The following BCAR3 variants were observed in gnomAD, a reference collection of about 807,000 sequenced individuals.
The protein encoded by BCAR3 is BCAR3 adaptor protein, NSP family member, also known as breast cancer anti-estrogen resistance protein 3.
BCAR3 carries 37 observed loss-of-function variants against 80.1 expected under a neutral mutation model. The ratio of observed to expected loss-of-function variants is 0.46; its 90% confidence interval spans 0.36 to 0.61. The LOEUF is 0.61. Among genes scored for constraint, BCAR3 ranks in the 20% least tolerant of loss-of-function variants. The probability of loss-of-function intolerance (pLI) is 0.00; values close to 1 mark genes in which losing one functional copy is unlikely to be tolerated. For missense variants in BCAR3, 978 were observed against 1,068.2 expected, an observed-to-expected ratio of 0.92 and a Z score of 1.18; for synonymous variants, 389 against 418.9, an observed-to-expected ratio of 0.93 and a Z score of 0.87.
At chr1:93,719,854 G>T (rs942428438) in intron 2 of BCAR3, among the ~76,000 whole-genome samples, 2 of 152,154 alleles carry the variant, frequency 1.3e-5, no homozygotes, top group Admixed American at 1.3e-4. Context: ...CTTGATGCAT[G>T]AAGATTTGAA....
intron 2 of BCAR3, chr1:93,845,475 T>TC (rs539926065): frequency 0.072 from 167 of 2,308 alleles, 11 homozygotes; most frequent in African/African-American, 0.22. Context: ...TATATATATA[T>TC]ATATATATAT....
chr1:93,704,691 C>T (rs1649774621), intron 3 of BCAR3, among the ~76,000 whole-genome samples: 1 of 152,188 alleles, frequency 6.6e-6, no homozygotes, highest in Admixed American at 6.5e-5. Flanking sequence ...ATCTATTGTA[C>T]TTTTAAGTGA....
intron 7 of BCAR3, among the ~76,000 whole-genome samples, chr1:93,579,650 C>A (rs976253580): frequency 6.6e-6 from 1 of 152,070 alleles, no homozygotes; most frequent in African/African-American, 2.4e-5. Flanking sequence ...CAAGGGCGGG[C>A]AGGCAGGCAT....
intron 3 of BCAR3, among the ~76,000 whole-genome samples, chr1:93,693,775 A>AG (rs1649284037): frequency 6.6e-6 from 1 of 152,262 alleles, no homozygotes; most frequent in African/African-American, 2.4e-5. Context: ...GGTGACTAGT[A>AG]GGGGGCAGAA....
chr1:93,759,808 G>A (rs1195969868), intron 2 of BCAR3, among the ~76,000 whole-genome samples: 1 of 150,924 alleles, frequency 6.6e-6, no homozygotes, highest in Non-Finnish European at 1.5e-5. Flanking sequence ...GTCCAGGGCT[G>A]GAACAGACCA....
At chr1:93,699,354 A>AG in intron 3 of BCAR3, among the ~76,000 whole-genome samples, 1 of 152,346 alleles carries the variant, frequency 6.6e-6, no homozygotes, top group East Asian at 1.9e-4. Context: ...ACTTGAAGCC[A>AG]ATCTCCCTAC....
chr1:93,825,870 C>T (rs1654354007), intron 2 of BCAR3, among the ~76,000 whole-genome samples: 1 of 152,180 alleles, frequency 6.6e-6, no homozygotes, highest in African/African-American at 2.4e-5. Context: ...TCTGTTTCTG[C>T]CCTAATTTGC....
At chr1:93,788,318 T>A (rs192148583) in intron 2 of BCAR3, among the ~76,000 whole-genome samples, 2 of 152,202 alleles carry the variant, frequency 1.3e-5, no homozygotes, top group Non-Finnish European at 2.9e-5. Flanking sequence ...ACATTAGTAT[T>A]GAGAAGTGAG....
chr1:93,754,296 A>G (rs1004546851), intron 2 of BCAR3: 3 of 152,240 alleles, frequency 2.0e-5, no homozygotes, highest in African/African-American at 7.2e-5. Context: ...GGTGTTGTCA[A>G]CACAGAGATC....
At chr1:93,746,229 C>T (rs1412650322) in intron 2 of BCAR3, among the ~76,000 whole-genome samples, 2 of 152,198 alleles carry the variant, frequency 1.3e-5, no homozygotes, top group African/African-American at 2.4e-5. Flanking sequence ...CAGCAGCCAC[C>T]AGCCCAGGTC....
chr1:93,625,698 G>C (rs1356294041), intron 3 of BCAR3, among the ~76,000 whole-genome samples: 2 of 152,162 alleles, frequency 1.3e-5, no homozygotes, highest in African/African-American at 4.8e-5. Context: ...ATCTGGAGAG[G>C]GCTGGGACTC....
At chr1:93,724,676 T>C (rs1650519894) in intron 2 of BCAR3, among the ~76,000 whole-genome samples, 1 of 152,006 alleles carries the variant, frequency 6.6e-6, no homozygotes, top group Non-Finnish European at 1.5e-5. Context: ...AAAGGTCCCA[T>C]CTAGTGGGCC....
intron 3 of BCAR3, among the ~76,000 whole-genome samples, chr1:93,597,876 G>C (rs895197780): frequency 4.6e-5 from 7 of 152,148 alleles, no homozygotes; most frequent in African/African-American, 1.7e-4. Flanking sequence ...ACCTCTGCTC[G>C]GTTACACGGA....
chr1:93,802,734 C>G (rs1163090535), intron 2 of BCAR3, among the ~76,000 whole-genome samples: 1 of 152,222 alleles, frequency 6.6e-6, no homozygotes, highest in African/African-American at 2.4e-5. Flanking sequence ...GTGGAAACTT[C>G]AGACAATTTT....
intron 2 of BCAR3, among the ~76,000 whole-genome samples, chr1:93,727,692 T>C (rs1435533454): frequency 1.3e-5 from 2 of 152,176 alleles, no homozygotes; most frequent in African/African-American, 4.8e-5. Context: ...AACAAAATAG[T>C]ACAAAGAAGA....
intron 2 of BCAR3, among the ~76,000 whole-genome samples, chr1:93,832,702 T>C (rs1654616377): frequency 6.6e-6 from 1 of 152,184 alleles, no homozygotes; most frequent in Non-Finnish European, 1.5e-5. Flanking sequence ...GTTGTGGGTA[T>C]TGATGGCCAG....
At chr1:93,810,192 C>CAAAAAAAAAAAAAAAA (rs111305058) in intron 2 of BCAR3, among the ~76,000 whole-genome samples, 3 of 98,856 alleles carry the variant, frequency 3.0e-5, no homozygotes, top group African/African-American at 3.5e-5. Flanking sequence ...GACTCCATCT[C>CAAAAAAAAAAAAAAAA]AAAAAAAAAA....
At chr1:93,839,497 A>G (rs923513241) in intron 2 of BCAR3, among the ~76,000 whole-genome samples, 7 of 152,160 alleles carry the variant, frequency 4.6e-5, no homozygotes, top group Admixed American at 2.0e-4. Context: ...TTCTTTATCA[A>G]TCAGCTTGGT....
At chr1:93,846,389 T>G (rs1655180524) in intron 1 of BCAR3, among the ~76,000 whole-genome samples, 1 of 152,140 alleles carries the variant, frequency 6.6e-6, no homozygotes, top group African/African-American at 2.4e-5. Context: ...CCGGGACTGC[T>G]GTGAGCTAAT....
Sources: gnomAD v4.1 joint callset for allele counts (sites outside exome capture counted in the v4.1 genomes callset) on GRCh38, gnomAD v4.1.1 for gene constraint, MANE v1.5 for transcripts, NCBI Gene and HGNC (gene_info 2026-07-23, HGNC 2026-07-21) for gene names.